ACSBG1: variants seen among roughly 807,000 people sequenced by gnomAD.
The protein encoded by ACSBG1 is long-chain-fatty-acid--CoA ligase ACSBG1.
Under a neutral mutation model 80.2 loss-of-function variants are expected in ACSBG1, and 39 were observed. The ratio of observed to expected loss-of-function variants is 0.49; its 90% CI spans 0.38 to 0.64. The LOEUF (loss-of-function observed/expected upper bound fraction) is 0.64. ACSBG1 is among the 30% of genes least tolerant of loss of function. The probability of loss-of-function intolerance (pLI) is 0.00; values close to 1 mark genes in which losing one functional copy is unlikely to be tolerated. For missense variants in ACSBG1, 828 were observed against 966.4 expected, an observed-to-expected ratio of 0.86 and a Z score of 1.90; for synonymous variants, 392 against 379.5, an observed-to-expected ratio of 1.03 and a Z score of -0.38.
At position 78,227,674 on chromosome 15, in the gene ACSBG1, C is replaced by A. The variant is rs1485054585; in HGVS notation, c.131+6697G>T. Among the ~76,000 whole-genome samples the A allele has an allele frequency of 2.0e-5, 3 of 152,154 alleles. No homozygotes were observed. The East Asian group carries it at 5.8e-4, about 29-fold the overall frequency. On this transcript the variant is annotated intron_variant, in intron 1 of 13. Coordinates refer to ENST00000258873, the MANE Select transcript of ACSBG1 (RefSeq NM_015162.5). Reference sequence around the variant, plus strand: ...ATGAGAACATATGTCCACAAAAACACCTTATACAAGAATTTCATAGCAGCT... The same window carrying A: ...ATGAGAACATATGTCCACAAAAACAACTTATACAAGAATTTCATAGCAGCT...
chr15:78,212,913 C>T, intron 1 of ACSBG1, among the ~76,000 whole-genome samples: 1 of 152,180 alleles, frequency 6.6e-6, no homozygotes, highest in Non-Finnish European at 1.5e-5. Context: ...TGCCTTGGGG[C>T]TGTGGTCTCC....
intron 1 of ACSBG1, among the ~76,000 whole-genome samples, chr15:78,208,820 G>T (rs746789890): frequency 6.6e-6 from 1 of 152,148 alleles, no homozygotes; most frequent in Non-Finnish European, 1.5e-5. Context: ...TGGGTTTCTG[G>T]GCTTTCATTA....
intron 5 of ACSBG1, among the ~76,000 whole-genome samples, chr15:78,187,805 G>C (rs932466132): frequency 6.6e-6 from 1 of 152,162 alleles, no homozygotes. Context: ...ATTCAACATT[G>C]TGTTGGAAGT....
intron 5 of ACSBG1, among the ~76,000 whole-genome samples, chr15:78,187,155 C>T (rs928351098): frequency 6.6e-6 from 1 of 151,860 alleles, no homozygotes; most frequent in Non-Finnish European, 1.5e-5. Flanking sequence ...AGACCAATAA[C>T]AGGCTCTGAA....
At chr15:78,215,759 A>AAAGAAAGAAAGAAAGG (rs2075305649) in intron 1 of ACSBG1, among the ~76,000 whole-genome samples, 1 of 150,218 alleles carries the variant, frequency 6.7e-6, no homozygotes, top group Admixed American at 6.6e-5. Flanking sequence ...AGAAAGAAAG[A>AAAGAAAGAAAGAAAGG]AAGAAAGAAA....
In ACSBG1 at chr15:78,181,049, C is replaced by CA. The variant is rs1203064028; in HGVS notation, c.1072-114dup. On this transcript the variant is annotated intron_variant, in intron 8 of 13. Coordinates refer to ENST00000258873, the MANE Select transcript of ACSBG1 (RefSeq NM_015162.5). ...ACACACATGCTCCAACGGGCACCCA[C>CA]ACACACCTGCACGCAAGGGTGGCAC... 62 of 1,201,246 alleles carry CA rather than the reference C, an allele frequency of 5.2e-5. 1 individual carries two copies. The South Asian group carries it at 8.8e-4, about 17-fold the overall frequency. The allele number at this position is 1,201,246 out of a possible 1,614,324, so 74.4% of individuals were successfully genotyped here.
chr15:78,194,929 G>T (rs1419393279), intron 2 of ACSBG1, among the ~76,000 whole-genome samples: 5 of 152,246 alleles, frequency 3.3e-5, no homozygotes, highest in African/African-American at 1.2e-4. Flanking sequence ...CTTGAAGGAA[G>T]AGCAAAGTTT....
In ACSBG1 at chr15:78,234,433, C is replaced by G. The variant is rs374715026; in HGVS notation, c.69G>C (p.Glu23Asp). The change falls in exon 1 of 14, where the codon GAG (glutamate) becomes GAC (aspartate). Residue 23 changes from glutamate (E) to aspartate (D), a missense_variant. Around this residue, in one of 3 missense-constraint regions of ACSBG1, gnomAD observed 356 missense variants for 363.5 expected, o/e 0.98. Coordinates refer to ENST00000258873, the MANE Select transcript of ACSBG1 (RefSeq NM_015162.5). ...HGDPSMLDSR[E>D]TPQESRQDMI... ...TGTCCTGCCGGCTCTCCTGTGGGGT[C>G]TCTCTGCTGTCCAGCATGCTGGGGT... The G allele has an allele frequency of 1.4e-5, 23 of 1,613,026 alleles. No individual in the cohort carries two copies. Among genetic ancestry groups the G allele is most frequent in the Non-Finnish European group, 1.9e-5 (23 of 1,180,042 alleles).
In ACSBG1 at chr15:78,182,588, C is replaced by A; in HGVS notation, c.772G>T (p.Glu258Ter). The A allele has an allele frequency of 1.2e-6, 2 of 1,614,156 alleles. No homozygotes were observed. The highest frequency in any genetic ancestry group is 2.2e-5 in the East Asian group (1 of 44,880). ...TMEEFMELGN[E>*]VPEEALDAII... is the part of the protein sequence containing the mutation. The stretch of plus-strand genomic sequence containing the variant: ...GCGTCCAGGGCTTCCTCAGGCACTT[C>A]ATTCCCCAGCTCCATGAATTCCTCC... The change falls in exon 7 of 14, where the codon GAA (glutamate) becomes TAA (stop). Residue 258 changes from glutamate to a stop codon, truncating the protein, a stop_gained. Transcript: ENST00000258873. LOFTEE classifies it high-confidence loss of function.
intron 1 of ACSBG1, among the ~76,000 whole-genome samples, chr15:78,210,187 T>C (rs1248765234): frequency 2.0e-5 from 3 of 152,196 alleles, no homozygotes; most frequent in Admixed American, 1.3e-4. Flanking sequence ...CCAGCAACCA[T>C]GGTCAATGAG....
At chr15:78,195,336 T>C (rs2075103813) in intron 2 of ACSBG1, among the ~76,000 whole-genome samples, 1 of 152,210 alleles carries the variant, frequency 6.6e-6, no homozygotes, top group Admixed American at 6.5e-5. Flanking sequence ...ACGGGGCAGC[T>C]GCAGCTCAGA....
rs2075085637 is a variant in ACSBG1, at chr15:78,194,038, ACAGGC to A, written c.454-23_454-19del. 22 of 1,613,516 alleles carry A rather than the reference ACAGGC, an allele frequency of 1.4e-5. No individual in the cohort carries two copies. Among genetic ancestry groups the A allele is most frequent in the Non-Finnish European group, 1.9e-5 (22 of 1,179,738 alleles). ...AGGCCGAGCTCCAGGTCAAAGGCAG[ACAGGC>A]CAGGTCAGCCGGGCAGGGACTGGGA... is the stretch of plus-strand genomic sequence containing the variant. On this transcript the variant is annotated intron_variant, in intron 3 of 13. Coordinates refer to ENST00000258873, the MANE Select transcript of ACSBG1 (RefSeq NM_015162.5).
intron 6 of ACSBG1, 38 bp from the exon 7 acceptor site, chr15:78,182,653 C>A: frequency 1.9e-6 from 3 of 1,613,766 alleles, no homozygotes; most frequent in South Asian, 2.2e-5. Context: ...GCTAGGTCAG[C>A]TGGGTGGGCC....
Position 78,234,445 on chromosome 15 carries a change from C to T in ACSBG1, c.57G>A (p.Leu19=), listed in dbSNP as rs1342155437. ...TCTCCTGTGGGGTCTCTCTGCTGTC[C>T]AGCATGCTGGGGTCCCCGTGTGGGC... is the stretch of plus-strand genomic sequence containing the variant. ...YGCPHGDPSM[L]DSRETPQESR... is the part of the protein sequence containing the mutation. Residue 19 remains leucine (L), a synonymous_variant, in exon 1 of 14, where the codon CTG becomes CTA. Transcript: ENST00000258873. 6.2e-7 allele frequency: 1 copy of T among 1,613,112 alleles called. No individual in the cohort carries two copies. The highest frequency in any genetic ancestry group is 2.2e-5 in the East Asian group (1 of 44,880).
chr15:78,228,221 G>A (rs1198152563), intron 1 of ACSBG1, among the ~76,000 whole-genome samples: 1 of 152,144 alleles, frequency 6.6e-6, no homozygotes, highest in Non-Finnish European at 1.5e-5. Context: ...GAATTGTCTG[G>A]GTAGGAGGCC....
At chr15:78,173,269 C>A (rs920736718) in intron 13 of ACSBG1, among the ~76,000 whole-genome samples, 3 of 139,068 alleles carry the variant, frequency 2.2e-5, no homozygotes, top group African/African-American at 5.3e-5. Context: ...CACTTGAACC[C>A]GCGAGGTGCA....
At chr15:78,197,104 AT>A (rs1417398358) in intron 2 of ACSBG1, among the ~76,000 whole-genome samples, 1 of 152,100 alleles carries the variant, frequency 6.6e-6, no homozygotes, top group Admixed American at 6.6e-5. Context: ...AATTAAAAAA[AT>A]ATAAAAAGGA....
chr15:78,201,736 A>C (rs1386826293), intron 2 of ACSBG1, among the ~76,000 whole-genome samples: 1 of 152,364 alleles, frequency 6.6e-6, no homozygotes, highest in East Asian at 1.9e-4. Context: ...AAGTCTCTGG[A>C]CAATGAGTTA....
At chr15:78,176,188 G>A (rs773778937) in intron 11 of ACSBG1, among the ~76,000 whole-genome samples, 1 of 152,122 alleles carries the variant, frequency 6.6e-6, no homozygotes, top group African/African-American at 2.4e-5. Flanking sequence ...GATTGCAGGT[G>A]TAGGCCACTG....
Sources: allele counts gnomAD v4.1 joint callset (sites outside exome capture counted in the v4.1 genomes callset), GRCh38; gene constraint gnomAD v4.1.1; regional missense constraint gnomAD v4.1.1; transcripts MANE v1.5; gene names NCBI Gene and HGNC (gene_info 2026-07-23, HGNC 2026-07-21).